Variants in IGF2BP1 observed in about 807,000 individuals in gnomAD.
The protein encoded by IGF2BP1 is insulin-like growth factor 2 mRNA-binding protein 1.
A neutral mutation model predicts 74.9 loss-of-function variants in IGF2BP1; 11 were observed. The observed-to-expected ratio is 0.15, with a 90% CI of 0.09 to 0.24. The LOEUF (loss-of-function observed/expected upper bound fraction) is 0.24, where lower values mean the gene tolerates loss of function less well. Among genes scored for constraint, IGF2BP1 ranks in the 10% least tolerant of loss-of-function variants. IGF2BP1 has a pLI of 1.00. For missense variants in IGF2BP1, 440 were observed against 757.4 expected, an observed-to-expected ratio of 0.58 and a Z score of 4.92; for synonymous variants, 287 against 281.8, an observed-to-expected ratio of 1.02 and a Z score of -0.18.
chr17:49,028,134 G>T (rs992478668), intron 4 of IGF2BP1, among the ~76,000 whole-genome samples: 1 of 152,156 alleles, frequency 6.6e-6, no homozygotes, highest in African/African-American at 2.4e-5. Context: ...CTGCACTCCA[G>T]CCTGGGTAAG....
At chr17:49,049,272 TG>T in intron 14 of IGF2BP1, 79 bp from the exon 15 acceptor site, 2 of 1,149,342 alleles carry the variant, frequency 1.7e-6, no homozygotes, top group Non-Finnish European at 2.6e-6. Flanking sequence ...TGCCTGTGTC[TG>T]GACCTGATGA....
chr17:49,019,944 A>ATG (rs1567815883), intron 2 of IGF2BP1, among the ~76,000 whole-genome samples: 1 of 55,834 alleles, frequency 1.8e-5, no homozygotes, highest in Non-Finnish European at 3.3e-5. Flanking sequence ...ATATATATAT[A>ATG]TATATTTATA....
At position 49,040,009 on chromosome 17, in the gene IGF2BP1, G is replaced by T; in HGVS notation, c.736G>T (p.Val246Leu). Reference protein sequence around the residue: ...NAGAAEKAISVHSTPEGCSSA... With the variant: ...NAGAAEKAISLHSTPEGCSSA... ...AGGTGCAGCTGAAAAAGCCATCAGT[G>T]TGCACTCCACCCCTGAGGGCTGCTC... The change falls in exon 7 of 15, where the codon GTG becomes TTG. Residue 246 changes from valine (V) to leucine (L), a missense_variant. Coordinates refer to ENST00000290341, the MANE Select transcript of IGF2BP1 (RefSeq NM_006546.4). 3.1e-6 allele frequency: 5 copies of T among 1,613,666 alleles called. No homozygotes were observed. The highest frequency in any genetic ancestry group is 4.2e-6 in the Non-Finnish European group (5 of 1,180,034).
chr17:49,015,403 TC>T (rs1256484198), intron 2 of IGF2BP1, among the ~76,000 whole-genome samples: 1 of 152,060 alleles, frequency 6.6e-6, no homozygotes, highest in Non-Finnish European at 1.5e-5. Context: ...TTTCCCTCGG[TC>T]GGAGCTTAGT....
intron 2 of IGF2BP1, among the ~76,000 whole-genome samples, chr17:49,009,091 C>G (rs570590649): frequency 4.6e-5 from 7 of 152,070 alleles, no homozygotes; most frequent in Admixed American, 3.3e-4. Flanking sequence ...GCTGTGGTGC[C>G]ATCTTGGCTC....
intron 2 of IGF2BP1, among the ~76,000 whole-genome samples, chr17:49,000,553 C>T (rs570977202): frequency 2.1e-4 from 32 of 152,256 alleles, no homozygotes; most frequent in East Asian, 1.4e-3. Flanking sequence ...TATTTTGAAA[C>T]ATTTTCTGGA....
At chr17:49,046,066 A>C (rs1465568007) in intron 13 of IGF2BP1, 45 bp downstream of exon 13, 2 of 1,605,044 alleles carry the variant, frequency 1.2e-6, no homozygotes, top group South Asian at 2.2e-5. Context: ...CTTGGTCTCC[A>C]ATCTCAGCAG....
intron 3 of IGF2BP1, among the ~76,000 whole-genome samples, 173 bp downstream of exon 3, chr17:49,025,839 T>C (rs1047122544): frequency 5.0e-5 from 7 of 141,378 alleles, no homozygotes; most frequent in African/African-American, 1.8e-4. Flanking sequence ...TTCTTCTTTT[T>C]CTTTCTTTCT....
At chr17:49,020,653 A>T (rs1051474437) in intron 2 of IGF2BP1, among the ~76,000 whole-genome samples, 3 of 152,178 alleles carry the variant, frequency 2.0e-5, no homozygotes, top group African/African-American at 7.2e-5. Flanking sequence ...AAAAACACTT[A>T]AGAGTTCACA....
At chr17:49,016,415 GCA>G (rs1434834796) in intron 2 of IGF2BP1, among the ~76,000 whole-genome samples, 4 of 151,924 alleles carry the variant, frequency 2.6e-5, no homozygotes, top group Non-Finnish European at 5.9e-5. Context: ...GTGTGCGTGC[GCA>G]CGTGTGTGTG....
chr17:49,041,588 T>C lies in IGF2BP1; in HGVS notation c.941+88T>C, dbSNP rs186513278. On this transcript the variant is annotated intron_variant, in intron 8 of 14. Coordinates refer to ENST00000290341, the MANE Select transcript of IGF2BP1 (RefSeq NM_006546.4). ...TTCATCATGGAACCTTGATATGTGC[T>C]CTTTTAAAATGGGTGCTCCTTCTGC... 106 of 1,519,704 alleles carry C rather than the reference T, an allele frequency of 7.0e-5. No individual in the cohort carries two copies. The East Asian group carries it at 1.6e-3, about 23-fold the overall frequency. 94.1% of individuals were successfully genotyped at this position (1,519,704 alleles called of 1,614,324 possible).
intron 2 of IGF2BP1, chr17:49,015,052 T>C (rs2041678685): frequency 4.2e-6 from 2 of 477,018 alleles, no homozygotes; most frequent in African/African-American, 4.3e-5. Context: ...TCGCCCAGGC[T>C]GGAGTGCAGT....
At chr17:49,012,808 A>C (rs1429925478) in intron 2 of IGF2BP1, 1 of 152,050 alleles carries the variant, frequency 6.6e-6, no homozygotes, top group African/African-American at 2.4e-5. Flanking sequence ...ATCGCAACTC[A>C]CTGCAGCTTT....
intron 6 of IGF2BP1, 110 bp from the exon 7 acceptor site, chr17:49,039,847 C>T (rs2042030417): frequency 8.5e-7 from 1 of 1,175,104 alleles, no homozygotes; most frequent in South Asian, 1.5e-5. Flanking sequence ...GTCCTTGTTT[C>T]AAGAAGAGCA....
intron 5 of IGF2BP1, among the ~76,000 whole-genome samples, chr17:49,032,210 A>G (rs2041930484): frequency 6.6e-6 from 1 of 152,158 alleles, no homozygotes; most frequent in Admixed American, 6.5e-5. Context: ...ATTGATAGCA[A>G]AAATACATAG....
chr17:48,998,181 C>T (rs1016059663), intron 1 of IGF2BP1, among the ~76,000 whole-genome samples: 1 of 152,298 alleles, frequency 6.6e-6, no homozygotes, highest in Middle Eastern at 3.4e-3. Flanking sequence ...TCCTTCCTCC[C>T]CACCGACGGG....
chr17:49,049,474 GACA>G lies in IGF2BP1; in HGVS notation c.*36_*38del, dbSNP rs1567830106. ...CCCCTCCCTGTCCCTTCGAGTCCAG[GACA>G]ACAACGGGCAGAAATCGAGAGTGTG... On this transcript the variant is annotated 3_prime_UTR_variant, in exon 15 of 15. Coordinates refer to ENST00000290341, the MANE Select transcript of IGF2BP1 (RefSeq NM_006546.4). The G allele has an allele frequency of 6.3e-7, 1 of 1,587,300 alleles. No individual in the cohort carries two copies. Among genetic ancestry groups the G allele is most frequent in the South Asian group, 1.1e-5 (1 of 90,178 alleles).
chr17:49,055,720 C>A lies in IGF2BP1; in HGVS notation c.*6276C>A. Reference sequence around the variant, plus strand: ...CCAGAGTGAATCAAAAGAGCTTCCTCCCCTGAGGCAAAGTGGATTTGTAAG... The same window carrying A: ...CCAGAGTGAATCAAAAGAGCTTCCTACCCTGAGGCAAAGTGGATTTGTAAG... On this transcript the variant is annotated 3_prime_UTR_variant, in exon 15 of 15. Coordinates refer to ENST00000290341, the MANE Select transcript of IGF2BP1 (RefSeq NM_006546.4). The A allele has an allele frequency of 2.5e-6, 1 of 398,526 alleles. No homozygotes were observed. The highest frequency in any genetic ancestry group is 1.3e-4 in the South Asian group (1 of 7,844). The allele number at this position is 398,526 out of a possible 1,614,324, so 24.7% of individuals were successfully genotyped here.
chr17:49,034,114 C>CT (rs1320481958), intron 5 of IGF2BP1, among the ~76,000 whole-genome samples: 4 of 142,472 alleles, frequency 2.8e-5, no homozygotes, highest in African/African-American at 1.1e-4. Flanking sequence ...ATGATTTGCC[C>CT]CTTTTTTTTT....
Sources: gnomAD v4.1 joint callset for allele counts (sites outside exome capture counted in the v4.1 genomes callset) on GRCh38, gnomAD v4.1.1 for gene constraint, MANE v1.5 for transcripts, NCBI Gene and HGNC (gene_info 2026-07-23, HGNC 2026-07-21) for gene names.